EFCAB6: variants seen among roughly 807,000 people sequenced by gnomAD.
The protein encoded by EFCAB6 is EF-hand calcium-binding domain-containing protein 6.
Under a neutral mutation model 169.8 loss-of-function variants are expected in EFCAB6, and 156 were observed. That is an observed-to-expected ratio of 0.92 (90% CI 0.81 to 1.05). EFCAB6 has a LOEUF of 1.05. Ranked by LOEUF, EFCAB6 falls within the 50% of genes least tolerant of loss-of-function variation. The pLI is 0.00. For missense variants in EFCAB6, 1,800 were observed against 1,829.1 expected (o/e 0.98, Z 0.29); for synonymous variants, 698 against 676.4 (o/e 1.03, Z -0.50).
Position 43,537,263 on chromosome 22 carries a change from C to T in EFCAB6, c.4048+114G>A, listed in dbSNP as rs1802055916. 5.2e-6 allele frequency: 7 copies of T among 1,344,972 alleles called. No individual in the cohort carries two copies. Among genetic ancestry groups the T allele is most frequent in the Non-Finnish European group, 7.2e-6 (7 of 978,368 alleles). The allele number at this position is 1,344,972 out of a possible 1,614,324, so 83.3% of individuals were successfully genotyped here. ...CCCACCCAGAAGTTCCCACCAGTTT[C>T]CTGTTCTGCTGCTCCCTGGCCTCCA... is the stretch of plus-strand genomic sequence containing the variant. On this transcript the variant is annotated intron_variant, in intron 29 of 31. Transcript: ENST00000262726. This position sits in a 1 kb window ranked among gnomAD's most constrained non-coding sequence, Gnocchi z 4.3.
At chr22:43,544,133 G>C (rs1015414069) in intron 27 of EFCAB6, among the ~76,000 whole-genome samples, 1 of 151,718 alleles carries the variant, frequency 6.6e-6, no homozygotes, top group Middle Eastern at 3.2e-3. Flanking sequence ...GTAACTGCCA[G>C]ACACGCCCAC....
At chr22:43,629,704 G>A (rs542136848) in intron 19 of EFCAB6, among the ~76,000 whole-genome samples, 1 of 152,284 alleles carries the variant, frequency 6.6e-6, no homozygotes, top group South Asian at 2.1e-4. Context: ...GAGAAGGACA[G>A]AAGCTTGGGG....
At chr22:43,690,313 T>C (rs866041684) in intron 10 of EFCAB6, among the ~76,000 whole-genome samples, 49 of 121,718 alleles carry the variant, frequency 4.0e-4, no homozygotes, top group Middle Eastern at 7.4e-3. Flanking sequence ...TCCTGGCTAA[T>C]AGGGTGAAAC....
chr22:43,626,441 T>C lies in EFCAB6; in HGVS notation c.2465+6A>G. The C allele has an allele frequency of 1.9e-6, 3 of 1,613,784 alleles. No individual in the cohort carries two copies. The highest frequency in any genetic ancestry group is 1.1e-5 in the South Asian group (1 of 91,006). ...TTAAAGACACAGACCCGTGCTGCCT[T>C]CTTACCTAATGAGTCTTTGAGGCGC... On this transcript the variant is annotated splice_donor_region_variant and intron_variant, in intron 20 of 31. Transcript: ENST00000262726.
chr22:43,615,295 C>T (rs1426872187), intron 21 of EFCAB6, among the ~76,000 whole-genome samples: 1 of 152,148 alleles, frequency 6.6e-6, no homozygotes, highest in Admixed American at 6.5e-5. Flanking sequence ...CTGTCATTGG[C>T]CCTGCTGGAT....
In EFCAB6 at chr22:43,765,356, G is replaced by A; in HGVS notation, c.389C>T (p.Ala130Val). The A allele has an allele frequency of 6.2e-7, 1 of 1,612,532 alleles. No homozygotes were observed. The highest frequency in any genetic ancestry group is 8.5e-7 in the Non-Finnish European group (1 of 1,179,034). ...AATTCCACCAAACCTGGACAGAAAG[G>A]CAAGGTACGGTACAGTACCAGAGGT... ...LSTSGTVPYL[A>V]FLSRFGGIDL... The change falls in exon 5 of 32, where the codon GCC becomes GTC. Residue 130 changes from alanine to valine, a missense_variant. Coordinates refer to ENST00000262726, the MANE Select transcript of EFCAB6 (RefSeq NM_022785.4).
chr22:43,775,734 G>C (rs879475908), intron 3 of EFCAB6, among the ~76,000 whole-genome samples: 2 of 152,200 alleles, frequency 1.3e-5, no homozygotes, highest in African/African-American at 4.8e-5. Context: ...GTGAGCCACC[G>C]CACCCGGCCA....
In EFCAB6 at chr22:43,534,701, T is replaced by C. The variant is rs750721913; in HGVS notation, c.4220A>G (p.Asn1407Ser). The C allele has an allele frequency of 1.2e-6, 2 of 1,608,516 alleles. No individual in the cohort carries two copies. Among genetic ancestry groups the C allele is most frequent in the Admixed American group, 1.7e-5 (1 of 58,798 alleles). ...SSLMHRMKIQ[N>S]AHKMKEAGAE... ...TGGGCAACATACCATCTTGTGTGCA[T>C]TCTGGATCTTCATCCTGTGCATCAG... Residue 1407 changes from asparagine (N) to serine (S), a missense_variant, in exon 30 of 32, where the codon AAT (asparagine) becomes AGT (serine). Coordinates refer to ENST00000262726, the MANE Select transcript of EFCAB6 (RefSeq NM_022785.4).
intron 3 of EFCAB6, among the ~76,000 whole-genome samples, chr22:43,774,643 G>A (rs55641321): frequency 0.081 from 12,220 of 151,546 alleles, 643 homozygotes; most frequent in South Asian, 0.2. Flanking sequence ...CAGGGAGCAC[G>A]GGAGACCTAA....
chr22:43,660,751 G>A (rs953998594), intron 17 of EFCAB6, among the ~76,000 whole-genome samples: 2 of 152,118 alleles, frequency 1.3e-5, no homozygotes, highest in Admixed American at 1.3e-4. Flanking sequence ...CGAAACATCT[G>A]GAATGGCTGG....
chr22:43,778,380 C>T lies in EFCAB6; in HGVS notation c.139+3800G>A, dbSNP rs192062173. ...TGGCACACGAGGTTTTGCACAAGTT[C>T]GGGGCAGCTGTTTACCAAAGGCTGA... On this transcript the variant is annotated intron_variant, in intron 3 of 31. Coordinates refer to ENST00000262726, the MANE Select transcript of EFCAB6 (RefSeq NM_022785.4). Among the ~76,000 whole-genome samples, 65 of 152,268 alleles carry T rather than the reference C, an allele frequency of 4.3e-4. 1 individual carries two copies. In the Middle Eastern group the frequency reaches 0.02, roughly 48 times the overall value.
rs755467310 is a variant in EFCAB6 at position 43,626,575 on chromosome 22, G to A, written c.2337C>T (p.Asp779=). 6.2e-6 allele frequency: 10 copies of A among 1,614,082 alleles called. No homozygotes were observed. The highest frequency in any genetic ancestry group is 2.7e-5 in the African/African-American group (2 of 74,920). Residue 779 remains aspartate (D), a synonymous_variant, in exon 20 of 32, where the codon GAC becomes GAT. Transcript: ENST00000262726. ...GGCCAAGGAAGCGCTCAAACTCGTC[G>A]TCTTTGAGATTAAGCAGTAGATGCA... ...LLLHLLLNLK[D]DEFERFLGLL...
At chr22:43,631,994 C>T in intron 19 of EFCAB6, 111 bp downstream of exon 19, 1 of 1,463,964 alleles carries the variant, frequency 6.8e-7, no homozygotes, top group Non-Finnish European at 9.2e-7. Context: ...TGCTCTGTGT[C>T]CCTTGGGCTG....
intron 26 of EFCAB6, among the ~76,000 whole-genome samples, chr22:43,568,397 T>G (rs747047444): frequency 6.6e-6 from 1 of 152,220 alleles, no homozygotes; most frequent in African/African-American, 2.4e-5. Context: ...GATAGGATCA[T>G]GACCTCATAG....
In EFCAB6 at chr22:43,578,925, C is replaced by T. The variant is rs762432297; in HGVS notation, c.3228+1539G>A. ...ATACGTATAGGCATCATTCCGTACA[C>T]GTAGGCATCATTGCTTACATGCAAG... is the stretch of plus-strand genomic sequence containing the variant. On this transcript the variant is annotated intron_variant, in intron 25 of 31. Coordinates refer to ENST00000262726, the MANE Select transcript of EFCAB6 (RefSeq NM_022785.4). Among the ~76,000 whole-genome samples the T allele has an allele frequency of 3.1e-3, 466 of 148,116 alleles. 2 individuals are homozygous for T. Among genetic ancestry groups the T allele is most frequent in the Middle Eastern group, 0.015 (4 of 260 alleles).
intron 15 of EFCAB6, among the ~76,000 whole-genome samples, chr22:43,669,638 G>A (rs1371866690): frequency 1.3e-5 from 2 of 152,152 alleles, no homozygotes; most frequent in African/African-American, 4.8e-5. Context: ...TTGATATCTT[G>A]ATTGATATCT....
In EFCAB6 at chr22:43,799,995, C is replaced by G. The variant is rs1164002555; in HGVS notation, c.-8+9000G>C. On this transcript the variant is annotated intron_variant, in intron 2 of 31. Transcript: ENST00000262726. Reference sequence around the variant, plus strand: ...GACCTATCCCTGCCTTAATCCATCACAAGTGCCTGAAGGGAGAAACATCCC... The same window carrying G: ...GACCTATCCCTGCCTTAATCCATCAGAAGTGCCTGAAGGGAGAAACATCCC... 3.9e-5 allele frequency among the ~76,000 whole-genome samples: 6 copies of G among 152,172 alleles called. No homozygotes were observed. The South Asian group carries it at 1.2e-3, about 32-fold the overall frequency.
At chr22:43,554,493 C>T (rs921677430) in intron 27 of EFCAB6, 7 of 188,790 alleles carry the variant, frequency 3.7e-5, no homozygotes, top group African/African-American at 1.6e-4. Context: ...TTTTTACCTA[C>T]AACTGTCTTG....
intron 6 of EFCAB6, among the ~76,000 whole-genome samples, chr22:43,750,142 C>T (rs772423103): frequency 6.6e-5 from 10 of 151,990 alleles, no homozygotes; most frequent in Non-Finnish European, 1.2e-4. Flanking sequence ...AACCTTAGTC[C>T]GAAATAATTG....
Sources: allele counts gnomAD v4.1 joint callset (sites outside exome capture counted in the v4.1 genomes callset), GRCh38; gene constraint gnomAD v4.1.1; non-coding constraint Gnocchi (gnomAD v3.1); transcripts MANE v1.5; gene names NCBI Gene and HGNC (gene_info 2026-07-23, HGNC 2026-07-21).